The following CDH2 variants were observed in gnomAD, a reference collection of about 807,000 sequenced individuals.
CDH2 encodes the protein cadherin-2.
A neutral mutation model predicts 92.0 loss-of-function variants in CDH2; 17 were observed. That is an observed-to-expected ratio of 0.18 (90% CI 0.13 to 0.28). The LOEUF (loss-of-function observed/expected upper bound fraction) is 0.28. CDH2 is among the 10% of genes least tolerant of loss of function. CDH2 has a pLI of 1.00. For synonymous variants in CDH2, 419 were observed against 415.9 expected, an observed-to-expected ratio of 1.01 and a Z score of -0.09; for missense variants, 862 against 1,133.1, an observed-to-expected ratio of 0.76 and a Z score of 3.44.
At chr18:28,153,545 C>T (rs1413278534) in intron 1 of CDH2, among the ~76,000 whole-genome samples, 2 of 152,154 alleles carry the variant, frequency 1.3e-5, no homozygotes, top group Admixed American at 1.3e-4. Flanking sequence ...GGGCAACACC[C>T]CCCAACCCCC....
In CDH2 at chr18:28,005,267, G is replaced by T. The variant is rs115483051; in HGVS notation, c.847+582C>A. On this transcript the variant is annotated intron_variant, in intron 6 of 15. Coordinates refer to ENST00000269141, the MANE Select transcript of CDH2 (RefSeq NM_001792.5). ...TCCACAAGTGCTATTTCTAGGCCAG[G>T]GCATTTTCCATTTTGCTGGTTGAAG... 1.6e-3 allele frequency among the ~76,000 whole-genome samples: 236 copies of T among 152,204 alleles called. 1 individual carries two copies. The highest frequency in any genetic ancestry group is 5.5e-3 in the African/African-American group (227 of 41,520).
In CDH2 at chr18:28,057,967, C is replaced by T. The variant is rs138138505; in HGVS notation, c.173-44058G>A. 6.1e-3 allele frequency among the ~76,000 whole-genome samples: 921 copies of T among 152,228 alleles called. 11 individuals carry two copies. The highest frequency in any genetic ancestry group is 0.02 in the African/African-American group (846 of 41,544). Reference sequence around the variant, plus strand: ...TGGTTTGGTGATTGTTCTAGAATTGCTAAGGTGGTTTGTGACCCCTGTTTG... The same window carrying T: ...TGGTTTGGTGATTGTTCTAGAATTGTTAAGGTGGTTTGTGACCCCTGTTTG... On this transcript the variant is annotated intron_variant, in intron 2 of 15. Transcript: ENST00000269141.
At chr18:27,955,466 C>G (rs947903556) in intron 15 of CDH2, among the ~76,000 whole-genome samples, 5 of 149,458 alleles carry the variant, frequency 3.3e-5, no homozygotes, top group African/African-American at 1.2e-4. Flanking sequence ...ATGGCAAGGC[C>G]TCAAGTGTGT....
At chr18:28,153,543 C>G (rs936506190) in intron 1 of CDH2, among the ~76,000 whole-genome samples, 6 of 152,168 alleles carry the variant, frequency 3.9e-5, no homozygotes, top group Non-Finnish European at 5.9e-5. Flanking sequence ...AGGGGCAACA[C>G]CCCCCAACCC....
At chr18:28,024,780 AAC>A (rs934966771) in intron 2 of CDH2, among the ~76,000 whole-genome samples, 2 of 151,920 alleles carry the variant, frequency 1.3e-5, no homozygotes, top group African/African-American at 4.8e-5. Context: ...TTAATTCTAA[AAC>A]ACACAAAATT....
intron 2 of CDH2, among the ~76,000 whole-genome samples, chr18:28,058,325 CAGAGAGAGACAG>C (rs1324696490): frequency 6.6e-6 from 1 of 152,118 alleles, no homozygotes; most frequent in African/African-American, 2.4e-5. Flanking sequence ...CAAGACATGA[CAGAGAGAGACAG>C]AGAGAGAGAC....
intron 7 of CDH2, among the ~76,000 whole-genome samples, chr18:28,001,472 A>T (rs1228073032): frequency 1.3e-5 from 2 of 152,232 alleles, no homozygotes; most frequent in African/African-American, 4.8e-5. Context: ...GCAACCTGGC[A>T]CTGAAGAAAG....
chr18:27,978,516 C>T (rs2143934095), intron 14 of CDH2, among the ~76,000 whole-genome samples: 1 of 151,486 alleles, frequency 6.6e-6, no homozygotes, highest in Non-Finnish European at 1.5e-5. Flanking sequence ...AGTCCTGACC[C>T]ATGTCTTAAC....
chr18:28,045,828 C>T (rs1321715219), intron 2 of CDH2, among the ~76,000 whole-genome samples: 1 of 152,206 alleles, frequency 6.6e-6, no homozygotes. Context: ...CTCTTGAGAT[C>T]TGCCTGCTGA....
chr18:27,938,376 T>A (rs1909067632), intron 6 of CDH2, among the ~76,000 whole-genome samples: 1 of 152,196 alleles, frequency 6.6e-6, no homozygotes, highest in African/African-American at 2.4e-5. Flanking sequence ...TATTCATAAA[T>A]TGAATATATA....
chr18:27,947,764 A>ATATGTAAG (rs1409112435), downstream of CDH2, among the ~76,000 whole-genome samples: 2 of 20,162 alleles, frequency 9.9e-5, no homozygotes, highest in Non-Finnish European at 1.5e-4. Flanking sequence ...TGATGTAAGT[A>ATATGTAAG]TATGTGATAT....
At chr18:28,145,300 G>C (rs2016018471) in intron 2 of CDH2, among the ~76,000 whole-genome samples, 1 of 152,052 alleles carries the variant, frequency 6.6e-6, no homozygotes, top group Admixed American at 6.6e-5. Context: ...CCAATATATG[G>C]TAGAACATGC....
In CDH2 at chr18:27,963,524, G is replaced by A. The variant is rs1280764599; in HGVS notation, c.2350-3C>T. 2 of 1,612,914 alleles carry A rather than the reference G, an allele frequency of 1.2e-6. No homozygotes were observed. The highest frequency in any genetic ancestry group is 1.7e-6 in the Non-Finnish European group (2 of 1,179,432). ...TGCAGCTGGCTCAAGTCATAGTCCT[G>A]CAAAAAGACAAAATCAAAAACCGAT... On this transcript the variant is annotated splice_polypyrimidine_tract_variant and splice_region_variant and intron_variant, in intron 14 of 15. Transcript: ENST00000269141.
At chr18:28,058,112 T>C (rs1162464888) in intron 2 of CDH2, among the ~76,000 whole-genome samples, 3 of 152,246 alleles carry the variant, frequency 2.0e-5, no homozygotes, top group Non-Finnish European at 4.4e-5. Context: ...GATGTAAATA[T>C]GTTCTTGTAA....
At position 27,952,233 on chromosome 18, in the gene CDH2, C is replaced by T. The variant is rs879088485; in HGVS notation, c.2641G>A (p.Glu881Lys). The change falls in exon 16 of 16, where the codon GAG becomes AAG. Residue 881 changes from glutamate to lysine, a missense_variant. Glu to Lys is a moderately conservative substitution (Grantham distance 56). Transcript: ENST00000269141. ...SSLNSSSSGG[E>K]QDYDYLNDWG... Reference sequence around the variant, plus strand: ...TCGTTCAGGTAATCATAGTCCTGCTCACCACCACTACTTGAGGAATTAAGG... The same window carrying T: ...TCGTTCAGGTAATCATAGTCCTGCTTACCACCACTACTTGAGGAATTAAGG... 15 of 1,613,630 alleles carry T rather than the reference C, an allele frequency of 9.3e-6. No individual in the cohort carries two copies. Among genetic ancestry groups the T allele is most frequent in the Non-Finnish European group, 1.2e-5 (14 of 1,179,660 alleles).
In CDH2 at chr18:27,951,616, T is replaced by C; in HGVS notation, c.*537A>G. Reference sequence around the variant, plus strand: ...CAACCAGCTGAGTAAGTTTTAAGATTTTAGTGAAAAAAAAAAAAACAAACT... The same window carrying C: ...CAACCAGCTGAGTAAGTTTTAAGATCTTAGTGAAAAAAAAAAAAACAAACT... On this transcript the variant is annotated 3_prime_UTR_variant, in exon 16 of 16. Transcript: ENST00000269141. 1.3e-5 allele frequency: 1 copy of C among 79,102 alleles called. No homozygotes were observed. Among genetic ancestry groups the C allele is most frequent in the East Asian group, 6.3e-4 (1 of 1,582 alleles). 4.9% of individuals were successfully genotyped at this position (79,102 alleles called of 1,614,324 possible).
At chr18:28,064,804 G>A (rs1432312136) in intron 2 of CDH2, among the ~76,000 whole-genome samples, 1 of 152,084 alleles carries the variant, frequency 6.6e-6, no homozygotes, top group East Asian at 1.9e-4. Flanking sequence ...GATCTCTTGA[G>A]AAAATTTACC....
Position 27,952,136 on chromosome 18 carries a change from C to A in CDH2, c.*17G>T, listed in dbSNP as rs1567933132. On this transcript the variant is annotated 3_prime_UTR_variant, in exon 16 of 16. Transcript: ENST00000269141. ...AAATTGTTTGTACTTGTCCAAAAAC[C>A]AAGTTCACCCTGAAGTTCAGTCATC... 1 of 1,608,646 alleles carries A rather than the reference C, an allele frequency of 6.2e-7. No homozygotes were observed. Among genetic ancestry groups the A allele is most frequent in the Middle Eastern group, 1.7e-4 (1 of 5,900 alleles).
chr18:28,083,326 T>G (rs2014865708), intron 2 of CDH2, among the ~76,000 whole-genome samples: 1 of 151,956 alleles, frequency 6.6e-6, no homozygotes, highest in African/African-American at 2.4e-5. Flanking sequence ...AAGAAGAAAA[T>G]GAAAGGCTTT....
Sources: allele counts gnomAD v4.1 joint callset (sites outside exome capture counted in the v4.1 genomes callset), GRCh38; gene constraint gnomAD v4.1.1; transcripts MANE v1.5; gene names NCBI Gene and HGNC (gene_info 2026-07-23, HGNC 2026-07-21).